The following ASAP2 variants were observed in gnomAD, a reference collection of about 807,000 sequenced individuals.
ASAP2 encodes ArfGAP with SH3 domain, ankyrin repeat and PH domain 2, also known as arf-GAP with SH3 domain, ANK repeat and PH domain-containing protein 2.
A neutral mutation model predicts 131.4 loss-of-function variants in ASAP2; 45 were observed. The ratio of observed to expected loss-of-function variants is 0.34; its 90% CI spans 0.27 to 0.44. The LOEUF is 0.44. ASAP2 is among the 20% of genes least tolerant of loss of function. The pLI is 1.00. For synonymous variants in ASAP2, 510 were observed against 503.0 expected (o/e 1.01, Z -0.19); for missense variants, 1,011 against 1,297.0 (o/e 0.78, Z 3.39).
At chr2:9,341,837 G>A (rs114756843) in intron 9 of ASAP2, among the ~76,000 whole-genome samples, 1,953 of 152,230 alleles carry the variant, frequency 0.013, 40 homozygotes, top group African/African-American at 0.045. Flanking sequence ...CCATGAATGC[G>A]TGTGTGCCCT....
intron 2 of ASAP2, among the ~76,000 whole-genome samples, chr2:9,293,722 C>CA (rs1667969723): frequency 6.6e-6 from 1 of 152,046 alleles, no homozygotes; most frequent in African/African-American, 2.4e-5. Flanking sequence ...TAGAGGAAGA[C>CA]ACGGGGCTTA....
At chr2:9,314,375 T>A (rs1669508831) in intron 3 of ASAP2, among the ~76,000 whole-genome samples, 2 of 152,246 alleles carry the variant, frequency 1.3e-5, no homozygotes, top group Non-Finnish European at 2.9e-5. Context: ...TTTGCTATAT[T>A]ATGTTTGGTT....
At chr2:9,364,201 A>T (rs944514797) in intron 15 of ASAP2, among the ~76,000 whole-genome samples, 2 of 152,300 alleles carry the variant, frequency 1.3e-5, no homozygotes, top group African/African-American at 4.8e-5. Flanking sequence ...ATTGAATTTG[A>T]GTCAGTCATT....
chr2:9,267,897 C>CAAAAAA (rs34716225), intron 1 of ASAP2, among the ~76,000 whole-genome samples: 42 of 65,002 alleles, frequency 6.5e-4, no homozygotes, highest in African/African-American at 2.2e-3. Context: ...GACTCTATCT[C>CAAAAAA]AAAAAAAAAA....
chr2:9,370,567 C>A (rs1160835263), intron 16 of ASAP2, among the ~76,000 whole-genome samples: 1 of 152,164 alleles, frequency 6.6e-6, no homozygotes, highest in Non-Finnish European at 1.5e-5. Flanking sequence ...GATTGTTTAA[C>A]TTCTCTGAGC....
chr2:9,285,804 AGT>A (rs373727563), intron 2 of ASAP2, among the ~76,000 whole-genome samples: 84 of 152,276 alleles, frequency 5.5e-4, no homozygotes, highest in African/African-American at 2.0e-3. Context: ...TCTTATCGAG[AGT>A]GATATTCCTA....
chr2:9,371,912 C>A (rs1674001432), intron 16 of ASAP2, among the ~76,000 whole-genome samples: 1 of 151,962 alleles, frequency 6.6e-6, no homozygotes, highest in South Asian at 2.1e-4. Flanking sequence ...GTCAGGAGAT[C>A]GAGACCATCC....
At chr2:9,360,830 A>G (rs2148664048) in intron 15 of ASAP2, among the ~76,000 whole-genome samples, 1 of 152,014 alleles carries the variant, frequency 6.6e-6, no homozygotes, top group East Asian at 1.9e-4. Context: ...ATAATTTTTA[A>G]TAGTAGCAGT....
chr2:9,381,307 C>G (rs920849419), intron 20 of ASAP2, among the ~76,000 whole-genome samples: 1 of 152,228 alleles, frequency 6.6e-6, no homozygotes, highest in Non-Finnish European at 1.5e-5. Flanking sequence ...CGGGGGCTCC[C>G]CAGCTTGGCT....
At chr2:9,292,426 G>T (rs1667874589) in intron 2 of ASAP2, among the ~76,000 whole-genome samples, 1 of 152,174 alleles carries the variant, frequency 6.6e-6, no homozygotes, top group African/African-American at 2.4e-5. Context: ...GCTGAGGCAG[G>T]AGAATCACTT....
intron 3 of ASAP2, among the ~76,000 whole-genome samples, chr2:9,302,359 G>C (rs1668555171): frequency 6.6e-6 from 1 of 151,296 alleles, no homozygotes; most frequent in South Asian, 2.1e-4. Flanking sequence ...TTTTAGCAGA[G>C]ACGGAGTTTG....
At chr2:9,353,327 G>A (rs1427207521) in intron 12 of ASAP2, among the ~76,000 whole-genome samples, 1 of 152,188 alleles carries the variant, frequency 6.6e-6, no homozygotes, top group African/African-American at 2.4e-5. Context: ...CACTTTGGGA[G>A]GCCAAGGTGG....
At chr2:9,327,714 C>T (rs534963124) in intron 6 of ASAP2, 112 bp from the exon 7 acceptor site, 153 of 716,414 alleles carry the variant, frequency 2.1e-4, no homozygotes, top group Non-Finnish European at 3.2e-4. Flanking sequence ...ATGCACTCTA[C>T]GCATTGTAAA....
chr2:9,356,470 T>C (rs760167397), intron 14 of ASAP2, 125 bp downstream of exon 14: 28 of 1,134,254 alleles, frequency 2.5e-5, no homozygotes, highest in African/African-American at 3.1e-5. Flanking sequence ...TCAGCCTGAG[T>C]TCATCCCATT....
In ASAP2 at chr2:9,388,164, G is replaced by T. The variant is rs1303707585; in HGVS notation, c.2131-130G>T. On this transcript the variant is annotated intron_variant, in intron 21 of 27. Transcript: ENST00000281419. Reference sequence around the variant, plus strand: ...CGCAACTTGTAGCTCTCAGGCAACAGTTGAGAGCTCAAATGGTACCAGGCC... The same window carrying T: ...CGCAACTTGTAGCTCTCAGGCAACATTTGAGAGCTCAAATGGTACCAGGCC... 6 of 1,182,740 alleles carry T rather than the reference G, an allele frequency of 5.1e-6. No individual in the cohort carries two copies. The African/African-American group carries it at 9.4e-5, about 19-fold the overall frequency. 73.3% of individuals were successfully genotyped at this position (1,182,740 alleles called of 1,614,324 possible).
At chr2:9,379,741 TTTAG>T (rs1674682830) in intron 19 of ASAP2, among the ~76,000 whole-genome samples, 1 of 152,184 alleles carries the variant, frequency 6.6e-6, no homozygotes, top group African/African-American at 2.4e-5. Context: ...CTGAGGCTTA[TTTAG>T]AAGAAATTAT....
At chr2:9,401,231 A>C (rs1186887547) in intron 26 of ASAP2, 43 bp from the exon 27 acceptor site, 5 of 1,609,154 alleles carry the variant, frequency 3.1e-6, no homozygotes, top group Non-Finnish European at 4.2e-6. Flanking sequence ...CTGAGAGCTG[A>C]GGCCTGCAGC....
intron 1 of ASAP2, among the ~76,000 whole-genome samples, chr2:9,265,006 T>C (rs2148221066): frequency 6.6e-6 from 1 of 152,206 alleles, no homozygotes; most frequent in African/African-American, 2.4e-5. Context: ...TGTGGTGGCA[T>C]GTGCCTGTGC....
At chr2:9,273,401 C>T (rs901679982) in intron 1 of ASAP2, among the ~76,000 whole-genome samples, 2 of 152,190 alleles carry the variant, frequency 1.3e-5, no homozygotes, top group African/African-American at 4.8e-5. Context: ...TTGTATCCTG[C>T]AACTTTACTG....
Sources: allele counts gnomAD v4.1 joint callset (sites outside exome capture counted in the v4.1 genomes callset), GRCh38; gene constraint gnomAD v4.1.1; transcripts MANE v1.5; gene names NCBI Gene and HGNC (gene_info 2026-07-23, HGNC 2026-07-21).